Variants in ENC1 observed in about 807,000 individuals in gnomAD.
ENC1 encodes ectoderm-neural cortex protein 1.
In ENC1, 19 loss-of-function variants were observed where a neutral mutation model predicts 40.9. The ratio of observed to expected loss-of-function variants is 0.46; its 90% confidence interval spans 0.32 to 0.68. The LOEUF is 0.68. ENC1 is among the 30% of genes least tolerant of loss of function. The probability of loss-of-function intolerance (pLI) is 0.03; values close to 1 mark genes in which losing one functional copy is unlikely to be tolerated. For missense variants in ENC1, 479 were observed against 737.5 expected (o/e 0.65, Z 4.06); for synonymous variants, 285 against 291.1 (o/e 0.98, Z 0.21).
chr5:74,638,257 T>C (rs563972134), intron 1 of ENC1, among the ~76,000 whole-genome samples: 1 of 152,336 alleles, frequency 6.6e-6, no homozygotes, highest in South Asian at 2.1e-4. Flanking sequence ...CACAGATTCA[T>C]GGGCTAAAAT....
rs1044731574 is a variant in ENC1 at position 74,627,689 on chromosome 5, T to G, written c.*2336A>C. On this transcript the variant is annotated 3_prime_UTR_variant, in exon 3 of 3. Transcript: ENST00000302351. The stretch of plus-strand genomic sequence containing the variant: ...CCAGAAGTGGAGGGCTGCCCTTTGT[T>G]ATGTGTTTCTACAGCAACCAGCCCA... The G allele has an allele frequency of 6.6e-6, 1 of 152,610 alleles. No individual in the cohort carries two copies. Among genetic ancestry groups the G allele is most frequent in the African/African-American group, 2.4e-5 (1 of 41,430 alleles). The allele number at this position is 152,610 out of a possible 1,614,324, so 9.5% of individuals were successfully genotyped here. A position where few individuals can be genotyped will look rare whatever the true frequency, so the allele number is the denominator to read the frequency against.
intron 2 of ENC1, among the ~76,000 whole-genome samples, chr5:74,633,774 C>T (rs1473435171): frequency 6.6e-6 from 1 of 151,780 alleles, no homozygotes; most frequent in Admixed American, 6.5e-5. Context: ...AGCCAGACCC[C>T]CTGCATTGAC....
chr5:74,633,513 G>A (rs1485970240), intron 2 of ENC1, among the ~76,000 whole-genome samples: 1 of 152,134 alleles, frequency 6.6e-6, no homozygotes, highest in African/African-American at 2.4e-5. Flanking sequence ...TATCTTTAAA[G>A]GTAATAAACG....
Position 74,634,847 on chromosome 5 carries a change from A to G in ENC1, c.1639T>C (p.Phe547Leu). Residue 547 changes from phenylalanine (F) to leucine (L), a missense_variant, in exon 2 of 3, where the codon TTT becomes CTT. Transcript: ENST00000302351. ...AAAGTCTTGCATCGCTGAATGCCAA[A>G]GTATCCTCCAACCACGTAGAGTTTG... The part of the protein sequence containing the change: ...GNKLYVVGGY[F>L]GIQRCKTLDC... 1.2e-6 allele frequency: 2 copies of G among 1,614,202 alleles called. No homozygotes were observed. The highest frequency in any genetic ancestry group is 1.7e-6 in the Non-Finnish European group (2 of 1,180,020).
At chr5:74,637,149 T>G (rs1747629823) in intron 1 of ENC1, among the ~76,000 whole-genome samples, 1 of 152,208 alleles carries the variant, frequency 6.6e-6, no homozygotes, top group Admixed American at 6.5e-5. Context: ...CAAGTCTCGC[T>G]CTGTCACCCT....
rs374425485 is a variant in ENC1 at position 74,636,857 on chromosome 5, A to G, written c.-13-359T>C. Among the ~76,000 whole-genome samples, 27 of 152,326 alleles carry G rather than the reference A, an allele frequency of 1.8e-4. No individual in the cohort carries two copies. The East Asian group carries it at 2.7e-3, about 15-fold the overall frequency. ...CAAGAGGAGTGAGTCTCATTCCCAC[A>G]GCTCCCTGTCCTAGTCCAGCTCATT... On this transcript the variant is annotated intron_variant, in intron 1 of 2. Transcript: ENST00000302351. The surrounding 1 kb of genome is among the most constrained non-coding windows in gnomAD (Gnocchi z 4.8).
chr5:74,636,394 C>T lies in ENC1; in HGVS notation c.92G>A (p.Ser31Asn). The change falls in exon 2 of 3, where the codon AGC becomes AAC. Residue 31 changes from serine to asparagine, a missense_variant. Transcript: ENST00000302351. This position sits in a 1 kb window ranked among gnomAD's most constrained non-coding sequence, Gnocchi z 4.8. Reference sequence around the variant, plus strand: ...TAAAAGATTCAGGTGAGTGAGGACGCTGTCAGCGTAGGAGGACTTGTGAAA... The same window carrying T: ...TAAAAGATTCAGGTGAGTGAGGACGTTGTCAGCGTAGGAGGACTTGTGAAA... ...YLFHKSSYADSVLTHLNLLRQ... is the reference protein window; with the variant it reads ...YLFHKSSYADNVLTHLNLLRQ... 6.2e-7 allele frequency: 1 copy of T among 1,614,114 alleles called. No homozygotes were observed. Among genetic ancestry groups the T allele is most frequent in the Non-Finnish European group, 8.5e-7 (1 of 1,179,994 alleles).
chr5:74,639,676 C>A (rs1480384710), intron 1 of ENC1, among the ~76,000 whole-genome samples: 29 of 152,238 alleles, frequency 1.9e-4, no homozygotes, highest in Admixed American at 1.9e-3. Flanking sequence ...CGCTATTTAA[C>A]AAGCTGGCCA....
intron 2 of ENC1, among the ~76,000 whole-genome samples, chr5:74,634,381 T>C (rs1047684268): frequency 6.6e-5 from 10 of 151,952 alleles, no homozygotes; most frequent in Admixed American, 5.2e-4. Context: ...CACTGCACTC[T>C]AGCCTGGGTG....
chr5:74,637,197 C>T (rs1747633169), intron 1 of ENC1, among the ~76,000 whole-genome samples: 1 of 152,192 alleles, frequency 6.6e-6, no homozygotes, highest in Non-Finnish European at 1.5e-5. Flanking sequence ...TTCACTGCAG[C>T]CTCGAACTCC....
intron 2 of ENC1, among the ~76,000 whole-genome samples, chr5:74,634,152 G>A (rs1413105918): frequency 6.6e-6 from 1 of 152,160 alleles, no homozygotes; most frequent in East Asian, 1.9e-4. Context: ...GGTGGCTTAT[G>A]CCTGTAATCC....
In ENC1 at chr5:74,635,240, G is replaced by A. The variant is rs1281331574; in HGVS notation, c.1246C>T (p.His416Tyr). 1 of 1,614,180 alleles carries A rather than the reference G, an allele frequency of 6.2e-7. No homozygotes were observed. Among genetic ancestry groups the A allele is most frequent in the Non-Finnish European group, 8.5e-7 (1 of 1,180,036 alleles). Reference protein sequence around the residue: ...SPSVSLKQVEHYDPTINKWTM... With the variant: ...SPSVSLKQVEYYDPTINKWTM... The stretch of plus-strand genomic sequence containing the variant: ...CATTTGTTGATTGTGGGGTCATAAT[G>A]TTCTACCTGCTTTAGAGAGACTGAG... Residue 416 changes from histidine (H) to tyrosine (Y), a missense_variant, in exon 2 of 3, where the codon CAT (histidine) becomes TAT (tyrosine). His to Tyr is a moderately conservative substitution (Grantham distance 83). Transcript: ENST00000302351. This position sits in a 1 kb window ranked among gnomAD's most constrained non-coding sequence, Gnocchi z 5.5.
chr5:74,636,207 G>C lies in ENC1; in HGVS notation c.279C>G (p.Ile93Met). 6.2e-7 allele frequency: 1 copy of C among 1,614,208 alleles called. No individual in the cohort carries two copies. Among genetic ancestry groups the C allele is most frequent in the Non-Finnish European group, 8.5e-7 (1 of 1,180,046 alleles). The change falls in exon 2 of 3, where the codon ATC becomes ATG. Residue 93 changes from isoleucine to methionine, a missense_variant. Physicochemically the swap from Ile to Met is conservative, Grantham distance 10 (BLOSUM62 1). Transcript: ENST00000302351. The surrounding 1 kb of genome is among the most constrained non-coding windows in gnomAD (Gnocchi z 4.8). ...QDSEVNFDNS[I>M]HPEVLELLLD... Reference sequence around the variant, plus strand: ...GCAGCAGCTCCAAGACTTCTGGGTGGATGGAATTGTCAAAGTTGACCTCAC... The same window carrying C: ...GCAGCAGCTCCAAGACTTCTGGGTGCATGGAATTGTCAAAGTTGACCTCAC...
chr5:74,632,208 C>G (rs574558892), intron 2 of ENC1: 2 of 152,230 alleles, frequency 1.3e-5, no homozygotes, highest in Admixed American at 1.3e-4. Context: ...ATTTTTATGG[C>G]TCTTCTGTGC....
rs1440291537 is a variant in ENC1, at chr5:74,629,796, T to A, written c.*229A>T. 1 of 152,116 alleles carries A rather than the reference T, an allele frequency of 6.6e-6. No individual in the cohort carries two copies. The highest frequency in any genetic ancestry group is 1.9e-4 in the East Asian group (1 of 5,200). The allele number at this position is 152,116 out of a possible 1,614,324, so 9.4% of individuals were successfully genotyped here. A position where few individuals can be genotyped will look rare whatever the true frequency, so the allele number is the denominator to read the frequency against. On this transcript the variant is annotated 3_prime_UTR_variant, in exon 3 of 3. Coordinates refer to ENST00000302351, the MANE Select transcript of ENC1 (RefSeq NM_003633.4). The stretch of plus-strand genomic sequence containing the variant: ...ACTAGATCACAGGTTTGTTCATTCA[T>A]ATTTAAACCATGTGCTACTTGCACC...
intron 1 of ENC1, among the ~76,000 whole-genome samples, chr5:74,639,022 C>A (rs1357670086): frequency 6.6e-6 from 1 of 152,244 alleles, no homozygotes; most frequent in Non-Finnish European, 1.5e-5. Context: ...CTCTCCGCAT[C>A]CTGTGTTTAT....
In ENC1 at chr5:74,640,466, G is replaced by C. The variant is rs530057321; in HGVS notation, c.-173C>G. On this transcript the variant is annotated 5_prime_UTR_variant, in exon 1 of 3. Transcript: ENST00000302351. The stretch of plus-strand genomic sequence containing the variant: ...ACTGCGCCCCGAACGATGGCTCGCG[G>C]ACCGGCTACCGATGGCGTTCGCCTC... 7.9e-5 allele frequency: 12 copies of C among 152,440 alleles called. No individual in the cohort carries two copies. The highest frequency in any genetic ancestry group is 2.9e-4 in the African/African-American group (12 of 41,592). 9.4% of individuals were successfully genotyped at this position (152,440 alleles called of 1,614,324 possible). A position where few individuals can be genotyped will look rare whatever the true frequency, so the allele number is the denominator to read the frequency against.
chr5:74,635,225 T>C lies in ENC1; in HGVS notation c.1261A>G (p.Ile421Val). The C allele has an allele frequency of 7.4e-6, 12 of 1,614,138 alleles. No individual in the cohort carries two copies. Among genetic ancestry groups the C allele is most frequent in the Non-Finnish European group, 1.0e-5 (12 of 1,180,012 alleles). ...GGGGCCACCATGGTCCATTTGTTGA[T>C]TGTGGGGTCATAATGTTCTACCTGC... Reference protein sequence around the residue: ...LKQVEHYDPTINKWTMVAPLR... With the variant: ...LKQVEHYDPTVNKWTMVAPLR... The change falls in exon 2 of 3, where the codon ATC becomes GTC. Residue 421 changes from isoleucine (I) to valine (V), a missense_variant. Ile to Val is a conservative substitution (Grantham distance 29). Transcript: ENST00000302351. This position sits in a 1 kb window ranked among gnomAD's most constrained non-coding sequence, Gnocchi z 5.5.
Position 74,628,538 on chromosome 5 carries a change from C to T in ENC1, c.*1487G>A, listed in dbSNP as rs988245151. The T allele has an allele frequency of 6.6e-6, 1 of 152,558 alleles. No homozygotes were observed. Among genetic ancestry groups the T allele is most frequent in the Non-Finnish European group, 1.5e-5 (1 of 68,034 alleles). The allele number at this position is 152,558 out of a possible 1,614,324, so 9.5% of individuals were successfully genotyped here. ...ATTCACAACTGATTTCCAACTCTAC[C>T]GGAAAACTTCTCAATAGGGGCCACT... On this transcript the variant is annotated 3_prime_UTR_variant, in exon 3 of 3. Coordinates refer to ENST00000302351, the MANE Select transcript of ENC1 (RefSeq NM_003633.4).
Sources: allele counts gnomAD v4.1 joint callset (sites outside exome capture counted in the v4.1 genomes callset), GRCh38; gene constraint gnomAD v4.1.1; non-coding constraint Gnocchi (gnomAD v3.1); transcripts MANE v1.5; gene names NCBI Gene and HGNC (gene_info 2026-07-23, HGNC 2026-07-21).